TMPRSS15: variants seen among roughly 807,000 people sequenced by gnomAD.
TMPRSS15 encodes the protein enteropeptidase.
In TMPRSS15, 128 loss-of-function variants were observed where a neutral mutation model predicts 125.3. The ratio of observed to expected loss-of-function variants is 1.02; its 90% CI spans 0.89 to 1.18. The LOEUF (loss-of-function observed/expected upper bound fraction) is 1.18, where lower values mean the gene tolerates loss of function less well. Ranked by LOEUF, TMPRSS15 falls within the 50% of genes most tolerant of loss-of-function variation. The pLI is 0.00. For missense variants in TMPRSS15, 1,283 were observed against 1,212.7 expected (o/e 1.06, Z -0.86); for synonymous variants, 446 against 423.2 (o/e 1.05, Z -0.66).
At chr21:18,389,590 A>T (rs2075974228) in intron 3 of TMPRSS15, among the ~76,000 whole-genome samples, 1 of 152,150 alleles carries the variant, frequency 6.6e-6, no homozygotes, top group African/African-American at 2.4e-5. Context: ...TCAAAGAAAA[A>T]TTCTGCGATT....
chr21:18,434,340 T>G (rs1569068103), intron 1 of TMPRSS15, among the ~76,000 whole-genome samples: 1 of 152,124 alleles, frequency 6.6e-6, no homozygotes. Context: ...GCATAAATAT[T>G]TTTATATTAT....
chr21:18,483,766 C>G (rs1240240453), intron 1 of TMPRSS15, among the ~76,000 whole-genome samples: 3 of 151,780 alleles, frequency 2.0e-5, no homozygotes, highest in Admixed American at 2.0e-4. Context: ...AGCATTTATA[C>G]AAAAAATGCA....
chr21:18,439,234 A>T (rs2076235856), intron 1 of TMPRSS15, among the ~76,000 whole-genome samples: 2 of 152,296 alleles, frequency 1.3e-5, no homozygotes, highest in East Asian at 1.9e-4. Flanking sequence ...ATATTTAAAA[A>T]TTTCAATTAA....
rs1218966112 is a variant in TMPRSS15, at chr21:18,397,905, A to G, written c.318T>C (p.Tyr106=). The change falls in exon 3 of 25, where the codon TAT becomes TAC. Residue 106 remains tyrosine (Y), a synonymous_variant. Coordinates refer to ENST00000284885, the MANE Select transcript of TMPRSS15 (RefSeq NM_002772.3). ...CAAATTGTAAAACTCTTGAGTTCTTATATTCATTCTTCAGATTGCTTGATA... is the reference window on the plus strand; with the variant it reads ...CAAATTGTAAAACTCTTGAGTTCTTGTATTCATTCTTCAGATTGCTTGATA... ...IFLSSNLKNE[Y]KNSRVLQFEN... 6.4e-7 allele frequency: 1 copy of G among 1,553,722 alleles called. No individual in the cohort carries two copies. Among genetic ancestry groups the G allele is most frequent in the Non-Finnish European group, 8.8e-7 (1 of 1,135,490 alleles).
At chr21:18,366,183 T>C (rs942551509) in intron 6 of TMPRSS15, among the ~76,000 whole-genome samples, 1 of 152,174 alleles carries the variant, frequency 6.6e-6, no homozygotes, top group Non-Finnish European at 1.5e-5. Context: ...ATAATTAAAT[T>C]GGAGCTAGGT....
At chr21:18,481,739 A>T (rs1160346504) in intron 1 of TMPRSS15, among the ~76,000 whole-genome samples, 1 of 151,618 alleles carries the variant, frequency 6.6e-6, no homozygotes, top group Non-Finnish European at 1.5e-5. Flanking sequence ...TCCTATTTTA[A>T]CCTAAAATGA....
chr21:18,396,576 G>C (rs1333916606), intron 3 of TMPRSS15, among the ~76,000 whole-genome samples: 2 of 151,710 alleles, frequency 1.3e-5, no homozygotes, highest in African/African-American at 4.8e-5. Flanking sequence ...AGATCGAGAC[G>C]ATCTTGGCTA....
At chr21:18,419,601 T>C (rs2076187926) in intron 1 of TMPRSS15, among the ~76,000 whole-genome samples, 1 of 152,170 alleles carries the variant, frequency 6.6e-6, no homozygotes, top group Non-Finnish European at 1.5e-5. Context: ...GGTGTGTGTG[T>C]ATGTCCCAAA....
chr21:18,302,849 T>C (rs1476691510), intron 18 of TMPRSS15, among the ~76,000 whole-genome samples: 9 of 152,172 alleles, frequency 5.9e-5, no homozygotes, highest in Non-Finnish European at 1.2e-4. Flanking sequence ...CTTGGAAACC[T>C]TGGGCAACGT....
At chr21:18,397,280 A>C (rs1047803148) in intron 3 of TMPRSS15, among the ~76,000 whole-genome samples, 7 of 152,134 alleles carry the variant, frequency 4.6e-5, no homozygotes, top group South Asian at 2.1e-4. Context: ...CACACAGGTC[A>C]ATTTTTTTTG....
At chr21:18,335,542 G>T (rs150173307) in intron 13 of TMPRSS15, among the ~76,000 whole-genome samples, 2 of 152,110 alleles carry the variant, frequency 1.3e-5, no homozygotes, top group Admixed American at 1.3e-4. Context: ...TTAGGATTTC[G>T]CCACTAAACA....
rs150464934 is a variant in TMPRSS15 at position 18,355,603 on chromosome 21, G to C, written c.881-1740C>G. On this transcript the variant is annotated intron_variant, in intron 8 of 24. Transcript: ENST00000284885. ...AGTGGAGGGTAGTGGTTAAGAGCAG[G>C]GGCTCCAGCATCAGTATTTGATTGA... Among the ~76,000 whole-genome samples, 891 of 151,784 alleles carry C rather than the reference G, an allele frequency of 5.9e-3. 13 individuals are homozygous for C. The highest frequency in any genetic ancestry group is 0.02 in the African/African-American group (833 of 41,470).
intron 13 of TMPRSS15, among the ~76,000 whole-genome samples, chr21:18,339,689 G>GTT (rs10716082): frequency 3.3e-5 from 5 of 151,760 alleles, no homozygotes; most frequent in East Asian, 1.9e-4. Context: ...AAAAAGCATT[G>GTT]TTTTTTTTGC....
At chr21:18,440,297 C>T (rs1013918622) in intron 1 of TMPRSS15, among the ~76,000 whole-genome samples, 1 of 139,098 alleles carries the variant, frequency 7.2e-6, no homozygotes. Context: ...GGCGTGAACC[C>T]GGGAGGCGGA....
Position 18,299,361 on chromosome 21 carries a change from C to T in TMPRSS15, c.2166-1532G>A, listed in dbSNP as rs941605306. 1.3e-4 allele frequency among the ~76,000 whole-genome samples: 20 copies of T among 152,252 alleles called. No homozygotes were observed. The South Asian group carries it at 2.3e-3, about 17-fold the overall frequency. ...AAGGACTCACACATTTAGAGCAGACCGAATCTAGATAAACACAGATGTTAG... is the reference window on the plus strand; with the variant it reads ...AAGGACTCACACATTTAGAGCAGACTGAATCTAGATAAACACAGATGTTAG... On this transcript the variant is annotated intron_variant, in intron 18 of 24. Coordinates refer to ENST00000284885, the MANE Select transcript of TMPRSS15 (RefSeq NM_002772.3).
At chr21:18,283,545 T>C (rs2074726897) in intron 21 of TMPRSS15, among the ~76,000 whole-genome samples, 1 of 151,748 alleles carries the variant, frequency 6.6e-6, no homozygotes, top group African/African-American at 2.4e-5. Flanking sequence ...ATAGTGTATG[T>C]ATATAAATTA....
At chr21:18,369,974 G>A (rs72631911) in intron 6 of TMPRSS15, among the ~76,000 whole-genome samples, 138,466 of 141,970 alleles carry the variant, frequency 0.98, 67,504 homozygotes, top group Middle Eastern at 0.99. Flanking sequence ...TTACTTAAAC[G>A]AAAAAAAAAA....
chr21:18,407,675 G>A (rs2076156072), upstream of TMPRSS15, among the ~76,000 whole-genome samples: 1 of 151,742 alleles, frequency 6.6e-6, no homozygotes, highest in African/African-American at 2.4e-5. Context: ...TGTCCAGGCT[G>A]GACTTGAAGG....
intron 1 of TMPRSS15, among the ~76,000 whole-genome samples, chr21:18,440,099 G>T (rs2076237490): frequency 6.6e-6 from 1 of 152,056 alleles, no homozygotes. Flanking sequence ...TGATGGCCGG[G>T]CGCGGTGGCT....
Sources: allele counts gnomAD v4.1 joint callset (sites outside exome capture counted in the v4.1 genomes callset), GRCh38; gene constraint gnomAD v4.1.1; transcripts MANE v1.5; gene names NCBI Gene and HGNC (gene_info 2026-07-23, HGNC 2026-07-21).